The following SUSD4 variants were observed in gnomAD, a reference collection of about 807,000 sequenced individuals.
SUSD4 encodes sushi domain containing 4.
A neutral mutation model predicts 50.5 loss-of-function variants in SUSD4; 41 were observed. The ratio of observed to expected loss-of-function variants is 0.81; its 90% CI spans 0.63 to 1.05. SUSD4 has a LOEUF of 1.05. SUSD4 is among the 50% of genes least tolerant of loss of function. SUSD4 has a pLI of 0.00. For synonymous variants in SUSD4, 257 were observed against 257.3 expected, an observed-to-expected ratio of 1.00 and a Z score of 0.01; for missense variants, 580 against 634.7, an observed-to-expected ratio of 0.91 and a Z score of 0.93.
intron 2 of SUSD4, among the ~76,000 whole-genome samples, chr1:223,293,726 CCAGA>C (rs1664647122): frequency 6.6e-6 from 1 of 152,134 alleles, no homozygotes; most frequent in African/African-American, 2.4e-5. Context: ...AATTTTGTGC[CCAGA>C]CAGCTGGGAT....
At chr1:223,279,259 C>T (rs1166268049) in intron 3 of SUSD4, among the ~76,000 whole-genome samples, 8 of 151,982 alleles carry the variant, frequency 5.3e-5, no homozygotes, top group East Asian at 1.9e-4. Flanking sequence ...AGGCTTCAGA[C>T]GATCAAACTT....
Position 223,292,518 on chromosome 1 carries a change from A to G in SUSD4, c.282T>C (p.Ala94=). 1 of 1,614,166 alleles carries G rather than the reference A, an allele frequency of 6.2e-7. No individual in the cohort carries two copies. The highest frequency in any genetic ancestry group is 8.5e-7 in the Non-Finnish European group (1 of 1,180,018). The change falls in exon 3 of 9, where the codon GCT becomes GCC. Residue 94 remains alanine (A), a synonymous_variant. Coordinates refer to ENST00000366878, the MANE Select transcript of SUSD4 (RefSeq NM_017982.4). Reference sequence around the variant, plus strand: ...AATGCTTCAAACACAGTCTCTTTGTAGCGCCCTTCAGCTTGAATCCGTCTT... The same window carrying G: ...AATGCTTCAAACACAGTCTCTTTGTGGCGCCCTTCAGCTTGAATCCGTCTT... ...HCQDGFKLKG[A]TKRLCLKHFN...
chr1:223,319,987 T>C (rs189096176), intron 2 of SUSD4, among the ~76,000 whole-genome samples: 164 of 152,280 alleles, frequency 1.1e-3, no homozygotes, highest in Admixed American at 0.01. Flanking sequence ...TATGACTCCA[T>C]TTTCTCATCA....
chr1:223,238,928 T>C (rs775074970), intron 5 of SUSD4, among the ~76,000 whole-genome samples: 21 of 151,972 alleles, frequency 1.4e-4, no homozygotes, highest in Admixed American at 3.9e-4. Context: ...CCAATAAAGG[T>C]GTGTTAATCT....
upstream of SUSD4, chr1:223,364,239 G>A (rs1669186130): frequency 6.7e-6 from 1 of 149,842 alleles, no homozygotes; most frequent in Non-Finnish European, 1.5e-5. The surrounding 1 kb of genome is among the most constrained non-coding windows in gnomAD (Gnocchi z 4.5). Flanking sequence ...CCCCCGAGCG[G>A]GCGGGTGTTG....
At chr1:223,280,552 A>G (rs960358955) in intron 3 of SUSD4, among the ~76,000 whole-genome samples, 24 of 152,230 alleles carry the variant, frequency 1.6e-4, no homozygotes, top group African/African-American at 5.5e-4. Flanking sequence ...TTAAATATAC[A>G]TGCACGCAAT....
chr1:223,270,841 G>T (rs1042065309), intron 3 of SUSD4, among the ~76,000 whole-genome samples: 1 of 152,100 alleles, frequency 6.6e-6, no homozygotes, highest in African/African-American at 2.4e-5. Flanking sequence ...GATTACAGGG[G>T]TAAGCCACCA....
intron 2 of SUSD4, among the ~76,000 whole-genome samples, chr1:223,325,093 C>A (rs1215144259): frequency 1.3e-5 from 2 of 152,010 alleles, no homozygotes; most frequent in African/African-American, 4.8e-5. Context: ...TAGGTCATAC[C>A]CAGCCAGGAC....
chr1:223,334,264 C>CA (rs1667335568), intron 2 of SUSD4, among the ~76,000 whole-genome samples: 2 of 151,114 alleles, frequency 1.3e-5, no homozygotes, highest in East Asian at 1.9e-4. Context: ...AAAGCTTCAA[C>CA]AAAAAAACCT....
chr1:223,228,003 C>T (rs1420533360), intron 6 of SUSD4, among the ~76,000 whole-genome samples: 1 of 152,224 alleles, frequency 6.6e-6, no homozygotes, highest in African/African-American at 2.4e-5. Context: ...CAGGCGCAGG[C>T]CTGGCACAGG....
chr1:223,281,283 A>G (rs560855989), intron 3 of SUSD4, among the ~76,000 whole-genome samples: 1 of 152,240 alleles, frequency 6.6e-6, no homozygotes, highest in South Asian at 2.1e-4. Context: ...CCTTCAAAAA[A>G]TCAATGAATA....
At chr1:223,289,101 G>A (rs1269771575) in intron 3 of SUSD4, 3 of 985,308 alleles carry the variant, frequency 3.0e-6, no homozygotes, top group Admixed American at 6.1e-5. Context: ...CCAGCACCCT[G>A]GCCTTTAGTC....
intron 5 of SUSD4, among the ~76,000 whole-genome samples, chr1:223,253,303 ACG>A (rs963735014): frequency 1.3e-5 from 2 of 151,928 alleles, no homozygotes; most frequent in Non-Finnish European, 2.9e-5. Context: ...TTTTTACAGA[ACG>A]CAAGCCAAAA....
At chr1:223,228,607 G>T (rs1429218624) in intron 6 of SUSD4, among the ~76,000 whole-genome samples, 2 of 152,182 alleles carry the variant, frequency 1.3e-5, no homozygotes, top group African/African-American at 4.8e-5. Flanking sequence ...TAAGTCATTT[G>T]CTTTTAACTA....
In SUSD4 at chr1:223,221,641, T is replaced by C. The variant is rs1353569708; in HGVS notation, c.*551A>G. 6.5e-6 allele frequency: 1 copy of C among 153,860 alleles called. No homozygotes were observed. The highest frequency in any genetic ancestry group is 1.9e-4 in the East Asian group (1 of 5,242). 9.5% of individuals were successfully genotyped at this position (153,860 alleles called of 1,614,324 possible). On this transcript the variant is annotated 3_prime_UTR_variant, in exon 9 of 9. Coordinates refer to ENST00000366878, the MANE Select transcript of SUSD4 (RefSeq NM_017982.4). ...GTAGAGTTGTCTGGATGAAGGAAGATTCTCCAAATGTCACACAAGGACCTT... is the reference window on the plus strand; with the variant it reads ...GTAGAGTTGTCTGGATGAAGGAAGACTCTCCAAATGTCACACAAGGACCTT...
rs150458910 is a variant in SUSD4 at position 223,268,741 on chromosome 1, C to G, written c.362-66G>C. ...AAAACGGTTGTGGTTCACAGCTTCA[C>G]GAGAAAGCTCTTATTTTCAGACTTG... On this transcript the variant is annotated intron_variant, in intron 3 of 8. Transcript: ENST00000366878. 2.8e-3 allele frequency: 4,226 copies of G among 1,507,472 alleles called. 22 individuals carry two copies. The highest frequency in any genetic ancestry group is 0.019 in the Middle Eastern group (108 of 5,562). 93.4% of individuals were successfully genotyped at this position (1,507,472 alleles called of 1,614,324 possible).
chr1:223,308,889 A>G (rs1306057000), intron 2 of SUSD4, among the ~76,000 whole-genome samples: 1 of 152,198 alleles, frequency 6.6e-6, no homozygotes, highest in East Asian at 1.9e-4. Flanking sequence ...GACCACTACC[A>G]AAAGTTATCT....
At chr1:223,333,419 A>AT (rs1047211324) in intron 2 of SUSD4, among the ~76,000 whole-genome samples, 6 of 152,014 alleles carry the variant, frequency 3.9e-5, no homozygotes, top group African/African-American at 1.4e-4. Flanking sequence ...TCAATCAAAA[A>AT]TTTTTTCTGA....
intron 2 of SUSD4, chr1:223,359,104 T>A (rs776639976): frequency 4.2e-6 from 2 of 470,670 alleles, no homozygotes; most frequent in Non-Finnish European, 8.8e-6. Flanking sequence ...GGACCAGGGG[T>A]TTGCATGAGT....
Sources: gnomAD v4.1 joint callset for allele counts (sites outside exome capture counted in the v4.1 genomes callset) on GRCh38, gnomAD v4.1.1 for gene constraint, Gnocchi (gnomAD v3.1) non-coding constraint, MANE v1.5 for transcripts, NCBI Gene and HGNC (gene_info 2026-07-23, HGNC 2026-07-21) for gene names.